TENM2: variants seen among roughly 807,000 people sequenced by gnomAD.
TENM2 encodes the protein teneurin transmembrane protein 2.
TENM2 carries 52 observed loss-of-function variants against 245.2 expected under a neutral mutation model. That is an observed-to-expected ratio of 0.21 (90% CI 0.17 to 0.27). The LOEUF (loss-of-function observed/expected upper bound fraction) is 0.27, where lower values mean the gene tolerates loss of function less well. Ranked by LOEUF, TENM2 falls within the 10% of genes least tolerant of loss-of-function variation. The pLI is 1.00. For synonymous variants in TENM2, 1,363 were observed against 1,438.9 expected (o/e 0.95, Z 1.19); for missense variants, 3,046 against 3,666.8 (o/e 0.83, Z 4.37).
chr5:168,218,828 C>T lies in TENM2; in HGVS notation c.4937C>T (p.Pro1646Leu), dbSNP rs775731240. ...ATCCGTCGGGACAGCAGTGGCATGC[C>T]CCGTCACCTGCTCATGCCTGACAAC... is the stretch of plus-strand genomic sequence containing the variant. Residue 1646 changes from proline to leucine, a missense_variant, in exon 23 of 29, where the codon CCC becomes CTC. Pro to Leu is a moderately conservative substitution (Grantham distance 98). This residue lies in a region of TENM2 where 2,704 missense variants were observed against 3,331.9 expected (regional missense o/e 0.81). Coordinates refer to ENST00000518659, the Ensembl canonical transcript of TENM2. The surrounding 1 kb of genome is among the most constrained non-coding windows in gnomAD (Gnocchi z 5.2). 2.4e-5 allele frequency: 39 copies of T among 1,613,782 alleles called. No individual in the cohort carries two copies. Among genetic ancestry groups the T allele is most frequent in the South Asian group, 3.3e-5 (3 of 91,074 alleles).
intron 3 of TENM2, among the ~76,000 whole-genome samples, chr5:167,880,881 G>T (rs1356604668): frequency 6.6e-6 from 1 of 152,170 alleles, no homozygotes; most frequent in Non-Finnish European, 1.5e-5. Context: ...GCTCATAACT[G>T]AATTTTTATG....
At chr5:167,663,139 GGGGAGAGA>G (rs1258932821) in intron 2 of TENM2, among the ~76,000 whole-genome samples, 2 of 119,442 alleles carry the variant, frequency 1.7e-5, no homozygotes, top group East Asian at 4.7e-4. Flanking sequence ...GAATGGGGAT[GGGGAGAGA>G]GAGAGAGAGA....
At chr5:167,170,036 C>G in the TENM2 span, among the ~76,000 whole-genome samples, 1 of 152,184 alleles carries the variant, frequency 6.6e-6, no homozygotes, top group Admixed American at 6.5e-5. Context: ...AGTACCTGTG[C>G]CACCTACCCA....
the TENM2 span, among the ~76,000 whole-genome samples, chr5:167,028,949 C>G: frequency 6.6e-6 from 1 of 151,768 alleles, no homozygotes; most frequent in Non-Finnish European, 1.5e-5. Flanking sequence ...TTATAAGGAC[C>G]CTTCCAGGTC....
chr5:168,015,388 A>T (rs1265824855), intron 5 of TENM2, among the ~76,000 whole-genome samples: 3 of 152,224 alleles, frequency 2.0e-5, no homozygotes, highest in Non-Finnish European at 4.4e-5. Flanking sequence ...AGCAAACAGC[A>T]GGTCTAGGCC....
At chr5:167,609,486 T>G (rs999520802) in intron 2 of TENM2, among the ~76,000 whole-genome samples, 1 of 46,330 alleles carries the variant, frequency 2.2e-5, no homozygotes, top group African/African-American at 1.4e-4. Context: ...TGCCTGATGA[T>G]GCAAAAAAAA....
intron 9 of TENM2, among the ~76,000 whole-genome samples, chr5:168,103,725 T>C (rs923393816): frequency 3.3e-5 from 5 of 152,218 alleles, no homozygotes; most frequent in Admixed American, 2.0e-4. Context: ...TGTGAGTGTG[T>C]GTGCCTTTGT....
the TENM2 span, among the ~76,000 whole-genome samples, chr5:167,254,664 G>A: frequency 2.0e-4 from 31 of 152,070 alleles, no homozygotes; most frequent in South Asian, 4.1e-4. Flanking sequence ...AGATTATTAC[G>A]GAGAGTGATG....
intron 7 of TENM2, among the ~76,000 whole-genome samples, chr5:168,075,449 CTG>C (rs1791384300): frequency 6.6e-6 from 1 of 152,148 alleles, no homozygotes; most frequent in South Asian, 2.1e-4. Flanking sequence ...AATCTGAAAA[CTG>C]TATCCACCTC....
chr5:167,462,051 C>A (rs1489060815), intron 2 of TENM2, among the ~76,000 whole-genome samples: 1 of 152,062 alleles, frequency 6.6e-6, no homozygotes, highest in Non-Finnish European at 1.5e-5. Flanking sequence ...AGTTTAAGAG[C>A]CAATTGATTG....
At chr5:168,144,101 C>A (rs1178155104) in intron 12 of TENM2, among the ~76,000 whole-genome samples, 1 of 151,796 alleles carries the variant, frequency 6.6e-6, no homozygotes, top group Non-Finnish European at 1.5e-5. Context: ...TCAGGTAATC[C>A]GCCTGCCTCG....
At chr5:167,395,076 C>CT (rs1340444903) in intron 2 of TENM2, among the ~76,000 whole-genome samples, 1 of 151,918 alleles carries the variant, frequency 6.6e-6, no homozygotes, top group Admixed American at 6.6e-5. Context: ...GTGTAGATTG[C>CT]TTTTGGTAGT....
intron 2 of TENM2, among the ~76,000 whole-genome samples, chr5:167,410,769 T>C (rs559795558): frequency 6.6e-6 from 1 of 152,182 alleles, no homozygotes; most frequent in East Asian, 1.9e-4. Flanking sequence ...ATAGAAGAAA[T>C]ATACAATGTT....
intron 2 of TENM2, among the ~76,000 whole-genome samples, chr5:167,541,075 A>C (rs945698946): frequency 2.6e-5 from 4 of 152,186 alleles, no homozygotes; most frequent in African/African-American, 7.2e-5. Flanking sequence ...GATAGGTACT[A>C]AACTAAAATG....
intron 1 of TENM2, chr5:167,309,767 G>C (rs1198557051): frequency 1.3e-5 from 2 of 152,156 alleles, no homozygotes; most frequent in Non-Finnish European, 2.9e-5. Flanking sequence ...GCTACTCCAG[G>C]AGAGGCTAAA....
At chr5:168,155,077 C>T (rs1757032991) in intron 12 of TENM2, among the ~76,000 whole-genome samples, 1 of 152,154 alleles carries the variant, frequency 6.6e-6, no homozygotes, top group Non-Finnish European at 1.5e-5. Flanking sequence ...TTCCAGAGAC[C>T]AGAGACCAGG....
At chr5:167,339,275 C>T (rs944005338) in intron 1 of TENM2, among the ~76,000 whole-genome samples, 2 of 152,148 alleles carry the variant, frequency 1.3e-5, no homozygotes, top group Non-Finnish European at 2.9e-5. Flanking sequence ...CAGTGATAGA[C>T]AGTCGTAGAC....
chr5:168,244,943 A>G lies in TENM2; in HGVS notation c.5817+227A>G, dbSNP rs1766416061. Reference sequence around the variant, plus strand: ...TGTCACCACGCCCGGCTAATTTTGTATTTTTAGTAGAGATGGGTTTCCCCA... The same window carrying G: ...TGTCACCACGCCCGGCTAATTTTGTGTTTTTAGTAGAGATGGGTTTCCCCA... On this transcript the variant is annotated intron_variant, in intron 26 of 28. Transcript: ENST00000518659. This position sits in a 1 kb window ranked among gnomAD's most constrained non-coding sequence, Gnocchi z 4.9. Among the ~76,000 whole-genome samples the G allele has an allele frequency of 6.6e-6, 1 of 151,600 alleles. No homozygotes were observed. The highest frequency in any genetic ancestry group is 1.5e-5 in the Non-Finnish European group (1 of 67,896).
the TENM2 span, among the ~76,000 whole-genome samples, chr5:167,229,440 G>A: frequency 0.21 from 31,544 of 152,168 alleles, 3,820 homozygotes; most frequent in African/African-American, 0.33. Flanking sequence ...AGTGGGTGTG[G>A]TGTAGGTGCT....
Sources: allele counts gnomAD v4.1 joint callset (sites outside exome capture counted in the v4.1 genomes callset), GRCh38; gene constraint gnomAD v4.1.1; regional missense constraint gnomAD v4.1.1; non-coding constraint Gnocchi (gnomAD v3.1); transcripts MANE v1.5; gene names NCBI Gene and HGNC (gene_info 2026-07-23, HGNC 2026-07-21).